Variants in FRMD6 observed in about 807,000 individuals in gnomAD.
FRMD6 encodes the protein FERM domain containing 6.
In FRMD6, 37 loss-of-function variants were observed where a neutral mutation model predicts 73.2. The observed-to-expected ratio is 0.51, with a 90% CI of 0.39 to 0.66. The LOEUF is 0.66. FRMD6 is among the 30% of genes least tolerant of loss of function. FRMD6 has a pLI of 0.00. For synonymous variants in FRMD6, 273 were observed against 282.2 expected, an observed-to-expected ratio of 0.97 and a Z score of 0.33; for missense variants, 714 against 780.5, an observed-to-expected ratio of 0.91 and a Z score of 1.02.
At chr14:51,473,119 C>A in the FRMD6 span, among the ~76,000 whole-genome samples, 1 of 152,136 alleles carries the variant, frequency 6.6e-6, no homozygotes, top group African/African-American at 2.4e-5. Context: ...GAGCTTCTGC[C>A]CCTGCCGGTC....
chr14:51,624,675 G>A (rs868358489), intron 2 of FRMD6, among the ~76,000 whole-genome samples: 3 of 152,170 alleles, frequency 2.0e-5, no homozygotes, highest in African/African-American at 7.2e-5. Context: ...GGACAAGAGT[G>A]TCATCTGGAG....
intron 1 of FRMD6, among the ~76,000 whole-genome samples, chr14:51,524,001 A>G (rs1308043343): frequency 6.6e-6 from 1 of 152,220 alleles, no homozygotes. Context: ...AGAACAATGC[A>G]GGGTATGGGA....
At chr14:51,682,719 A>G (rs778192763) in intron 1 of FRMD6, among the ~76,000 whole-genome samples, 25 of 152,196 alleles carry the variant, frequency 1.6e-4, no homozygotes, top group Non-Finnish European at 3.4e-4. Flanking sequence ...CTCCAGGCTC[A>G]TATTATTTTC....
chr14:51,428,954 G>GGGGGAGAGAGAGGGTGAGAGAGAGA, the FRMD6 span, among the ~76,000 whole-genome samples: 1 of 55,902 alleles, frequency 1.8e-5, no homozygotes, highest in East Asian at 7.0e-4. Context: ...GAGAGACAGA[G>GGGGGAGAGAGAGGGTGAGAGAGAGA]GGGGAGAGAG....
intron 1 of FRMD6, among the ~76,000 whole-genome samples, chr14:51,558,668 T>C (rs977692662): frequency 6.6e-6 from 1 of 152,160 alleles, no homozygotes; most frequent in African/African-American, 2.4e-5. Context: ...AATTTAATCT[T>C]TTTTCTTTTT....
At chr14:51,617,553 T>C (rs1196769423) in intron 2 of FRMD6, among the ~76,000 whole-genome samples, 1 of 152,200 alleles carries the variant, frequency 6.6e-6, no homozygotes, top group Non-Finnish European at 1.5e-5. Flanking sequence ...TGCACATATA[T>C]GTTTGAGACC....
the FRMD6 span, among the ~76,000 whole-genome samples, chr14:51,410,362 G>C: frequency 3.6e-4 from 55 of 152,220 alleles, no homozygotes; most frequent in African/African-American, 1.3e-3. Flanking sequence ...TGTAAAGGAG[G>C]CTCATTTTTC....
chr14:51,491,555 T>C (rs563126169), intron 1 of FRMD6: 6 of 152,228 alleles, frequency 3.9e-5, no homozygotes, highest in Non-Finnish European at 5.9e-5. Context: ...AAAGGCTTTA[T>C]ATACCTGATC....
intron 1 of FRMD6, among the ~76,000 whole-genome samples, chr14:51,542,020 C>T (rs527856195): frequency 6.6e-6 from 1 of 152,044 alleles, no homozygotes; most frequent in South Asian, 2.1e-4. Context: ...TTCCCAATAC[C>T]ACCTGCATCA....
At chr14:51,459,233 T>G in the FRMD6 span, among the ~76,000 whole-genome samples, 1 of 152,216 alleles carries the variant, frequency 6.6e-6, no homozygotes, top group Non-Finnish European at 1.5e-5. Context: ...ATTTGCTATT[T>G]TTTCTAACTC....
chr14:51,410,046 A>T, the FRMD6 span, among the ~76,000 whole-genome samples: 3 of 152,232 alleles, frequency 2.0e-5, no homozygotes, highest in African/African-American at 7.2e-5. Context: ...TCAATGGAGA[A>T]CTACTTTGTT....
At chr14:51,435,991 G>C in the FRMD6 span, 76 of 161,114 alleles carry the variant, frequency 4.7e-4, 1 homozygote, top group Middle Eastern at 2.9e-3. Flanking sequence ...CCTGCTTCCT[G>C]ATGAGCGAGG....
intron 1 of FRMD6, among the ~76,000 whole-genome samples, chr14:51,536,089 T>G (rs369809718): frequency 0.043 from 6,101 of 142,814 alleles, 167 homozygotes; most frequent in Non-Finnish European, 0.046. Context: ...TATATATATA[T>G]ATATATATAG....
At chr14:51,403,259 A>G in the FRMD6 span, among the ~76,000 whole-genome samples, 11,080 of 152,188 alleles carry the variant, frequency 0.073, 559 homozygotes, top group Non-Finnish European at 0.11. Context: ...TGTTATCCTG[A>G]TTTTTGTGTC....
At chr14:51,672,660 C>T (rs763551436) in intron 1 of FRMD6, among the ~76,000 whole-genome samples, 3 of 151,988 alleles carry the variant, frequency 2.0e-5, no homozygotes, top group Non-Finnish European at 4.4e-5. Context: ...CTTTTAATTC[C>T]ATTTTTTCCA....
the FRMD6 span, among the ~76,000 whole-genome samples, chr14:51,456,813 G>C: frequency 1.3e-5 from 2 of 152,170 alleles, no homozygotes; most frequent in Non-Finnish European, 2.9e-5. Context: ...GAGTACTACT[G>C]AGCCAGAAAA....
the FRMD6 span, among the ~76,000 whole-genome samples, chr14:51,403,670 C>T: frequency 2.6e-5 from 4 of 151,948 alleles, no homozygotes; most frequent in African/African-American, 7.3e-5. Context: ...CCAAAGTGCT[C>T]GGATTACAGG....
the FRMD6 span, among the ~76,000 whole-genome samples, chr14:51,428,068 T>A: frequency 6.6e-6 from 1 of 152,220 alleles, no homozygotes; most frequent in Admixed American, 6.5e-5. Context: ...AAGTCTGGGC[T>A]GTGGGAAGAA....
intron 1 of FRMD6, among the ~76,000 whole-genome samples, chr14:51,558,665 T>C (rs1295222502): frequency 6.6e-6 from 1 of 152,198 alleles, no homozygotes; most frequent in Non-Finnish European, 1.5e-5. Context: ...TATAATTTAA[T>C]CTTTTTTCTT....
Sources: gnomAD v4.1 joint callset for allele counts (sites outside exome capture counted in the v4.1 genomes callset) on GRCh38, gnomAD v4.1.1 for gene constraint, MANE v1.5 for transcripts, NCBI Gene and HGNC (gene_info 2026-07-23, HGNC 2026-07-21) for gene names.